The following ABCB4 variants were observed in gnomAD, a reference collection of about 807,000 sequenced individuals.
The protein encoded by ABCB4 is phosphatidylcholine translocator ABCB4.
Under a neutral mutation model 145.7 loss-of-function variants are expected in ABCB4, and 76 were observed. The ratio of observed to expected loss-of-function variants is 0.52; its 90% CI spans 0.43 to 0.63. The LOEUF is 0.63. Ranked by LOEUF, ABCB4 falls within the 30% of genes least tolerant of loss-of-function variation. The pLI is 0.00. For synonymous variants in ABCB4, 517 were observed against 566.8 expected, an observed-to-expected ratio of 0.91 and a Z score of 1.25; for missense variants, 1,234 against 1,553.1, an observed-to-expected ratio of 0.79 and a Z score of 3.45.
intron 5 of ABCB4, among the ~76,000 whole-genome samples, chr7:87,454,022 T>A (rs1473545232): frequency 6.6e-6 from 1 of 152,202 alleles, no homozygotes; most frequent in Non-Finnish European, 1.5e-5. Context: ...GTTAGTATTT[T>A]AAAAAATAAT....
intron 27 of ABCB4, among the ~76,000 whole-genome samples, chr7:87,402,649 C>G (rs1021979885): frequency 6.6e-6 from 1 of 152,074 alleles, no homozygotes; most frequent in Non-Finnish European, 1.5e-5. Flanking sequence ...GAATGCTTTA[C>G]TTTATAAAAT....
Position 87,403,149 on chromosome 7 carries a change from T to C in ABCB4, c.3619A>G (p.Thr1207Ala). 6.2e-7 allele frequency: 1 copy of C among 1,614,126 alleles called. No homozygotes were observed. Among genetic ancestry groups the C allele is most frequent in the Non-Finnish European group, 8.5e-7 (1 of 1,179,990 alleles). ...LLDEATSALD[T>A]ESEKVVQEAL... The stretch of plus-strand genomic sequence containing the variant: ...GCCACACACACCTTTTCACTTTCAG[T>C]ATCCAGAGCTGATGTAGCTTCATCC... The change falls in exon 27 of 28, where the codon ACT (threonine) becomes GCT (alanine). Residue 1207 changes from threonine to alanine, a missense_variant. This residue lies in a region of ABCB4 where 6 missense variants were observed against 31.3 expected (regional missense o/e 0.19). Coordinates refer to ENST00000649586, the MANE Select transcript of ABCB4 (RefSeq NM_000443.4).
Position 87,405,448 on chromosome 7 carries a change from A to T in ABCB4, c.3486+840T>A, listed in dbSNP as rs31654. ...GTATCTTTTTTTTTTTTTTTTTGAG[A>T]CGGAGTCTCACTCTGTCGCCCAGGC... On this transcript the variant is annotated intron_variant, in intron 26 of 27. Transcript: ENST00000649586. Among the ~76,000 whole-genome samples the T allele has an allele frequency of 6.4e-3, 687 of 107,116 alleles. 9 individuals are homozygous for T. Among genetic ancestry groups the T allele is most frequent in the African/African-American group, 0.021 (645 of 31,124 alleles). 70.3% of individuals were successfully genotyped at this position (107,116 alleles called of 152,430 possible).
Position 87,406,364 on chromosome 7 carries a change from C to T in ABCB4, c.3410G>A (p.Arg1137Gln), listed in dbSNP as rs780738927. ...AENIAYGDNS[R>Q]VVSQDEIVSA... ...CACAATTTCATCCTGTGATACAACC[C>T]GGCTGTTGTCTCCATAGGCAATATT... Residue 1137 changes from arginine to glutamine, a missense_variant, in exon 26 of 28, where the codon CGG becomes CAG. This residue lies in a region of ABCB4 where 301 missense variants were observed against 389.0 expected (regional missense o/e 0.77). Transcript: ENST00000649586. 31 of 1,613,798 alleles carry T rather than the reference C, an allele frequency of 1.9e-5. No individual in the cohort carries two copies. The South Asian group carries it at 2.3e-4, about 12-fold the overall frequency.
Position 87,475,416 on chromosome 7 carries a change from G to T in ABCB4, c.50C>A (p.Ala17Glu). ...GATGCCCAGTTCAAAGTCGCCCTCC[G>T]CGCTCGTGGGGCGCCAGGCTGTTCC... ...KNGTAWRPTS[A>E]EGDFELGISS... Residue 17 changes from alanine (A) to glutamate (E), a missense_variant, in exon 2 of 28, where the codon GCG becomes GAG. By Grantham distance (107) the Ala-to-Glu change is moderately radical. Coordinates refer to ENST00000649586, the MANE Select transcript of ABCB4 (RefSeq NM_000443.4). The T allele has an allele frequency of 6.2e-7, 1 of 1,614,186 alleles. No individual in the cohort carries two copies. The highest frequency in any genetic ancestry group is 8.5e-7 in the Non-Finnish European group (1 of 1,180,024).
At chr7:87,372,426 A>T in the ABCB4 span, among the ~76,000 whole-genome samples, 1 of 152,214 alleles carries the variant, frequency 6.6e-6, no homozygotes, top group Non-Finnish European at 1.5e-5. Flanking sequence ...AATTTGACAT[A>T]TAATTATTAG....
Position 87,406,400 on chromosome 7 carries a change from C to T in ABCB4, c.3374G>A (p.Ser1125Asn), listed in dbSNP as rs199738630. The T allele has an allele frequency of 2.5e-6, 4 of 1,613,940 alleles. No individual in the cohort carries two copies. The highest frequency in any genetic ancestry group is 3.3e-5 in the Admixed American group (2 of 59,996). ...TCCATAGGCAATATTCTCGGCAATG[C>T]TGCAGTCAAATAGGATAGGCTCCTG... ...VSQEPILFDCSIAENIAYGDN... is the reference protein window; with the variant it reads ...VSQEPILFDCNIAENIAYGDN... Residue 1125 changes from serine to asparagine, a missense_variant, in exon 26 of 28, where the codon AGC (serine) becomes AAC (asparagine). Around this residue, in one of 7 missense-constraint regions of ABCB4, gnomAD observed 301 missense variants for 389.0 expected, o/e 0.77. Transcript: ENST00000649586.
chr7:87,474,592 G>A (rs899487169), intron 2 of ABCB4, among the ~76,000 whole-genome samples: 1 of 152,118 alleles, frequency 6.6e-6, no homozygotes, highest in Non-Finnish European at 1.5e-5. Context: ...TTTCTGGGTA[G>A]CCTGGTATGA....
At chr7:87,407,492 G>A (rs933959926) in intron 25 of ABCB4, among the ~76,000 whole-genome samples, 1 of 152,234 alleles carries the variant, frequency 6.6e-6, no homozygotes, top group African/African-American at 2.4e-5. Context: ...GGTTATGGCA[G>A]ATACAAGCAT....
At chr7:87,376,336 A>G in the ABCB4 span, among the ~76,000 whole-genome samples, 2 of 152,098 alleles carry the variant, frequency 1.3e-5, no homozygotes, top group African/African-American at 4.8e-5. Context: ...TCTTGACACC[A>G]TAGTTGGGAC....
intron 4 of ABCB4, among the ~76,000 whole-genome samples, chr7:87,461,026 A>C (rs1812422467): frequency 1.3e-5 from 2 of 150,968 alleles, no homozygotes; most frequent in African/African-American, 2.4e-5. Flanking sequence ...TGCAATGGCA[A>C]CCTCCGCCCC....
chr7:87,373,167 C>T, the ABCB4 span, among the ~76,000 whole-genome samples: 39 of 152,004 alleles, frequency 2.6e-4, 1 homozygote, highest in African/African-American at 8.0e-4. Flanking sequence ...AGTGGGATCT[C>T]GTTGTAGTTT....
chr7:87,462,809 C>A lies in ABCB4; in HGVS notation c.235G>T (p.Gly79Ter). ...TCAACAAATTTGTCAGTCATCTCTC[C>A]AAATACTATCATCATGAGGGGGAGA... ...SGLPLMMIVFGEMTDKFVDTA... is the reference protein window; with the variant it reads ...SGLPLMMIVF The change falls in exon 4 of 28, where the codon GGA (glycine) becomes TGA (stop). Residue 79 changes from glycine (G) to a stop codon, truncating the protein, a stop_gained. Transcript: ENST00000649586. LOFTEE classifies it high-confidence loss of function. The A allele has an allele frequency of 6.2e-7, 1 of 1,613,908 alleles. No homozygotes were observed. The highest frequency in any genetic ancestry group is 1.1e-5 in the South Asian group (1 of 91,068).
chr7:87,456,723 A>C (rs17149640), intron 4 of ABCB4, among the ~76,000 whole-genome samples: 34,839 of 151,970 alleles, frequency 0.23, 5,323 homozygotes, highest in African/African-American at 0.44. Flanking sequence ...TCTCCCTCCT[A>C]GGAAAGAATC....
At chr7:87,406,829 T>C (rs1373150647) in intron 25 of ABCB4, among the ~76,000 whole-genome samples, 1 of 152,216 alleles carries the variant, frequency 6.6e-6, no homozygotes, top group Non-Finnish European at 1.5e-5. Context: ...TCAGGTCTGC[T>C]GTCCCCAGAA....
intron 26 of ABCB4, among the ~76,000 whole-genome samples, chr7:87,405,555 T>C (rs1397851988): frequency 6.6e-6 from 1 of 151,670 alleles, no homozygotes; most frequent in Non-Finnish European, 1.5e-5. Context: ...GCCTCCTGAG[T>C]AGCTGCAACT....
At chr7:87,374,132 T>G in the ABCB4 span, among the ~76,000 whole-genome samples, 2 of 152,080 alleles carry the variant, frequency 1.3e-5, no homozygotes, top group Non-Finnish European at 2.9e-5. Flanking sequence ...GATTCTGTAA[T>G]GCAGATATTT....
chr7:87,419,825 T>G (rs1409726307), intron 19 of ABCB4, among the ~76,000 whole-genome samples, 173 bp downstream of exon 19: 2 of 143,548 alleles, frequency 1.4e-5, no homozygotes, highest in Non-Finnish European at 1.5e-5. Flanking sequence ...AAAAAAAACA[T>G]GAGAAGTCTT....
At chr7:87,450,749 A>G (rs780069024) in intron 7 of ABCB4, among the ~76,000 whole-genome samples, 14 of 152,190 alleles carry the variant, frequency 9.2e-5, no homozygotes, top group Non-Finnish European at 1.9e-4. Context: ...TTTAATTACT[A>G]TAAAAACAAT....
Sources: gnomAD v4.1 joint callset for allele counts (sites outside exome capture counted in the v4.1 genomes callset) on GRCh38, gnomAD v4.1.1 for gene constraint, gnomAD v4.1.1 regional missense constraint, MANE v1.5 for transcripts, NCBI Gene and HGNC (gene_info 2026-07-23, HGNC 2026-07-21) for gene names.